The following PRTFDC1 variants were observed in gnomAD, a reference collection of about 807,000 sequenced individuals.
PRTFDC1 encodes the protein phosphoribosyltransferase domain-containing protein 1.
Under a neutral mutation model 34.6 loss-of-function variants are expected in PRTFDC1, and 38 were observed. The observed-to-expected ratio is 1.10, with a 90% CI of 0.85 to 1.44. The LOEUF is 1.44. PRTFDC1 is among the 40% of genes most tolerant of loss of function. The pLI is 0.00. For missense variants in PRTFDC1, 270 were observed against 283.0 expected (o/e 0.95, Z 0.33); for synonymous variants, 93 against 98.1 (o/e 0.95, Z 0.31).
rs1440460535 is a variant in PRTFDC1, at chr10:24,895,712, T to TATAG, written c.340-23650_340-23649insCTAT. Among the ~76,000 whole-genome samples the TATAG allele has an allele frequency of 9.4e-5, 13 of 138,616 alleles. 1 individual carries two copies. The highest frequency in any genetic ancestry group is 3.2e-4 in the African/African-American group (12 of 36,978). The allele number at this position is 138,616 out of a possible 152,430, so 90.9% of individuals were successfully genotyped here. A position where few individuals can be genotyped will look rare whatever the true frequency, so the allele number is the denominator to read the frequency against. ...GGATATATATATATATATATATATATATATATATATATATATCTGTAAATA... is the reference window on the plus strand; with the variant it reads ...GGATATATATATATATATATATATATATAGATATATATATATATATCTGTAAATA... On this transcript the variant is annotated intron_variant, in intron 3 of 8. Transcript: ENST00000320152.
rs750354966 is a variant in PRTFDC1, at chr10:24,937,181, T to G, written c.339+3A>C. The G allele has an allele frequency of 2.5e-6, 4 of 1,607,428 alleles. No homozygotes were observed. The highest frequency in any genetic ancestry group is 1.3e-5 in the African/African-American group (1 of 74,884). Reference sequence around the variant, plus strand: ...TCATAAAGCGGAACTTGTAATAACTTACCCTGTAACTTTTTAGTCTGATGA... The same window carrying G: ...TCATAAAGCGGAACTTGTAATAACTGACCCTGTAACTTTTTAGTCTGATGA... On this transcript the variant is annotated splice_donor_region_variant and intron_variant, in intron 3 of 8. Coordinates refer to ENST00000320152, the MANE Select transcript of PRTFDC1 (RefSeq NM_020200.7).
At position 24,899,968 on chromosome 10, in the gene PRTFDC1, G is replaced by T. The variant is rs147845160; in HGVS notation, c.340-27905C>A. The stretch of plus-strand genomic sequence containing the variant: ...CATTGGTGGAAAATGGATTGGAAAA[G>T]AACTCAGAAATTTTATAGAACTCAC... On this transcript the variant is annotated intron_variant, in intron 3 of 8. Transcript: ENST00000320152. 1.1e-3 allele frequency among the ~76,000 whole-genome samples: 165 copies of T among 152,238 alleles called. 2 individuals carry two copies. The highest frequency in any genetic ancestry group is 3.8e-3 in the African/African-American group (157 of 41,518).
At chr10:24,868,273 C>T (rs910711908) in intron 4 of PRTFDC1, 7 of 152,116 alleles carry the variant, frequency 4.6e-5, no homozygotes, top group African/African-American at 1.4e-4. Flanking sequence ...TCACCCTCCC[C>T]TCTCTAAGAC....
intron 1 of PRTFDC1, among the ~76,000 whole-genome samples, chr10:24,945,315 T>A (rs544052914): frequency 1.1e-4 from 17 of 152,330 alleles, no homozygotes; most frequent in African/African-American, 3.8e-4. Context: ...ACAGTCTCCA[T>A]CTTCCGGCTA....
At chr10:24,891,174 T>G (rs186319298) in intron 3 of PRTFDC1, among the ~76,000 whole-genome samples, 1 of 152,334 alleles carries the variant, frequency 6.6e-6, no homozygotes, top group Non-Finnish European at 1.5e-5. Flanking sequence ...GAAATTTCAG[T>G]AACTTATTCA....
At chr10:24,906,534 G>T (rs1295706156) in intron 3 of PRTFDC1, among the ~76,000 whole-genome samples, 1 of 151,706 alleles carries the variant, frequency 6.6e-6, no homozygotes, top group East Asian at 1.9e-4. Flanking sequence ...TGACTTGTAT[G>T]AATGAATGAA....
intron 3 of PRTFDC1, among the ~76,000 whole-genome samples, chr10:24,882,204 CAA>C (rs10651020): frequency 5.6e-5 from 6 of 107,514 alleles, no homozygotes; most frequent in Admixed American, 1.0e-4. Flanking sequence ...GGATCTGCCT[CAA>C]AAAAAAAAAA....
rs773554795 is a variant in PRTFDC1 at position 24,855,317 on chromosome 10, C to T, written c.553+1G>A. On this transcript the variant is annotated splice_donor_variant, in intron 7 of 8. Coordinates refer to ENST00000320152, the MANE Select transcript of PRTFDC1 (RefSeq NM_020200.7). LOFTEE classifies it high-confidence loss of function. ...CAAACAAAAAACTGAAAAACACTTA[C>T]AGTCAGGTCTAAAGCCGTCACTTCT... The T allele has an allele frequency of 2.5e-6, 4 of 1,613,158 alleles. No individual in the cohort carries two copies. The highest frequency in any genetic ancestry group is 3.4e-6 in the Non-Finnish European group (4 of 1,179,356).
chr10:24,853,649 A>T (rs1484113089), intron 7 of PRTFDC1, among the ~76,000 whole-genome samples: 3 of 152,134 alleles, frequency 2.0e-5, no homozygotes. Context: ...CCCTGTTTGT[A>T]ACCAGGGTTA....
At chr10:24,894,871 C>T (rs1848323510) in intron 3 of PRTFDC1, among the ~76,000 whole-genome samples, 1 of 152,112 alleles carries the variant, frequency 6.6e-6, no homozygotes, top group African/African-American at 2.4e-5. Flanking sequence ...CAGCCTGGCT[C>T]AGAGTGGGCA....
In PRTFDC1 at chr10:24,855,304, T is replaced by G; in HGVS notation, c.553+14A>C. ...ACAAACAAACAAACAAACAAAAAAC[T>G]GAAAAACACTTACAGTCAGGTCTAA... On this transcript the variant is annotated intron_variant, in intron 7 of 8. Transcript: ENST00000320152. The G allele has an allele frequency of 6.2e-7, 1 of 1,609,970 alleles. No individual in the cohort carries two copies. The highest frequency in any genetic ancestry group is 8.5e-7 in the Non-Finnish European group (1 of 1,177,492).
intron 3 of PRTFDC1, among the ~76,000 whole-genome samples, chr10:24,887,989 G>A (rs1002302219): frequency 6.6e-6 from 1 of 151,994 alleles, no homozygotes; most frequent in Non-Finnish European, 1.5e-5. Context: ...TCAAACTCTC[G>A]GGCTCAAGCA....
rs1438061708 is a variant in PRTFDC1 at position 24,848,867 on chromosome 10, TG to T, written c.*976del. 6.6e-6 allele frequency: 1 copy of T among 152,210 alleles called. No homozygotes were observed. Among genetic ancestry groups the T allele is most frequent in the Non-Finnish European group, 1.5e-5 (1 of 68,034 alleles). 9.4% of individuals were successfully genotyped at this position (152,210 alleles called of 1,614,324 possible). A position where few individuals can be genotyped will look rare whatever the true frequency, so the allele number is the denominator to read the frequency against. Reference sequence around the variant, plus strand: ...AATGTTATTCAGAAAAAAACTTTCTTGAGTGTGCTTGTTTCCTGTAGCACCT... The same window carrying T: ...AATGTTATTCAGAAAAAAACTTTCTTAGTGTGCTTGTTTCCTGTAGCACCT... On this transcript the variant is annotated 3_prime_UTR_variant, in exon 9 of 9. Coordinates refer to ENST00000320152, the MANE Select transcript of PRTFDC1 (RefSeq NM_020200.7).
intron 3 of PRTFDC1, among the ~76,000 whole-genome samples, chr10:24,930,198 C>A (rs370022604): frequency 1.3e-5 from 2 of 152,026 alleles, no homozygotes; most frequent in East Asian, 1.9e-4. Context: ...AGGTTCTTTC[C>A]GAATTTTTCT....
chr10:24,857,091 A>G, intron 5 of PRTFDC1, 96 bp from the exon 6 acceptor site: 3 of 1,049,380 alleles, frequency 2.9e-6, no homozygotes, highest in Non-Finnish European at 4.5e-6. Context: ...AATGCATCGT[A>G]ATTAAAAATG....
intron 3 of PRTFDC1, among the ~76,000 whole-genome samples, chr10:24,898,297 A>AG: frequency 6.6e-6 from 1 of 150,856 alleles, no homozygotes; most frequent in East Asian, 2.0e-4. Context: ...AAAAAAAAAA[A>AG]AAAAAAAAAC....
chr10:24,913,871 T>C (rs913592382), intron 3 of PRTFDC1, among the ~76,000 whole-genome samples: 1 of 152,216 alleles, frequency 6.6e-6, no homozygotes, highest in Non-Finnish European at 1.5e-5. Context: ...AGGATTTGTA[T>C]GGTTATTTTT....
rs202181855 is a variant in PRTFDC1 at position 24,920,290 on chromosome 10, A to AGT, written c.339+16892_339+16893dup. ...ATATATATATGTGTATATATATATG[A>AGT]GTGTGTGTGTATATATATATGTGTG... On this transcript the variant is annotated intron_variant, in intron 3 of 8. Transcript: ENST00000320152. Among the ~76,000 whole-genome samples, 861 of 150,752 alleles carry AGT rather than the reference A, an allele frequency of 5.7e-3. 8 individuals are homozygous for AGT. The highest frequency in any genetic ancestry group is 0.018 in the African/African-American group (738 of 40,298).
rs575991414 is a variant in PRTFDC1 at position 24,924,873 on chromosome 10, G to C, written c.339+12311C>G. Among the ~76,000 whole-genome samples the C allele has an allele frequency of 6.9e-4, 105 of 152,320 alleles. 2 individuals are homozygous for C. The highest frequency in any genetic ancestry group is 2.4e-3 in the African/African-American group (98 of 41,584). ...AGGAACACTTTTACATTGTTGGTGG[G>C]AGTGTAAATTAGTTCAACTATTGTG... On this transcript the variant is annotated intron_variant, in intron 3 of 8. Coordinates refer to ENST00000320152, the MANE Select transcript of PRTFDC1 (RefSeq NM_020200.7).
Sources: allele counts gnomAD v4.1 joint callset (sites outside exome capture counted in the v4.1 genomes callset), GRCh38; gene constraint gnomAD v4.1.1; transcripts MANE v1.5; gene names NCBI Gene and HGNC (gene_info 2026-07-23, HGNC 2026-07-21).